The following CDH18 variants were observed in gnomAD, a reference collection of about 807,000 sequenced individuals.
The protein encoded by CDH18 is cadherin-18.
A neutral mutation model predicts 67.9 loss-of-function variants in CDH18; 31 were observed. The ratio of observed to expected loss-of-function variants is 0.46; its 90% CI spans 0.34 to 0.62. The LOEUF (loss-of-function observed/expected upper bound fraction) is 0.62. Among genes scored for constraint, CDH18 ranks in the 20% least tolerant of loss-of-function variants. The pLI is 0.01. For missense variants in CDH18, 890 were observed against 975.5 expected (o/e 0.91, Z 1.17); for synonymous variants, 362 against 347.2 (o/e 1.04, Z -0.48).
intron 1 of CDH18, among the ~76,000 whole-genome samples, chr5:20,414,774 G>A (rs763330693): frequency 2.7e-4 from 41 of 152,114 alleles, no homozygotes; most frequent in Middle Eastern, 3.4e-3. Context: ...ATGAGATATC[G>A]TTTCATACCT....
At chr5:19,593,734 T>C (rs375544010) in intron 6 of CDH18, among the ~76,000 whole-genome samples, 10,044 of 139,218 alleles carry the variant, frequency 0.072, 869 homozygotes, top group East Asian at 0.25. Context: ...TTCTTCTTCT[T>C]CTTCTTCTTC....
At chr5:20,499,806 G>A (rs1015258009) in intron 1 of CDH18, among the ~76,000 whole-genome samples, 7 of 152,096 alleles carry the variant, frequency 4.6e-5, no homozygotes, top group African/African-American at 1.7e-4. Flanking sequence ...TTCACGTGTG[G>A]ATGATAAATC....
intron 2 of CDH18, among the ~76,000 whole-genome samples, chr5:20,245,857 G>A (rs1743334171): frequency 6.6e-6 from 1 of 152,074 alleles, no homozygotes; most frequent in Non-Finnish European, 1.5e-5. Context: ...ATTTTCAGAA[G>A]GGAGTAATAT....
intron 5 of CDH18, among the ~76,000 whole-genome samples, chr5:19,704,220 C>T (rs776611915): frequency 1.3e-5 from 2 of 152,236 alleles, no homozygotes; most frequent in East Asian, 3.9e-4. Flanking sequence ...TTGGTAGATA[C>T]AGGAGCAGAC....
intron 2 of CDH18, among the ~76,000 whole-genome samples, chr5:19,866,165 T>C (rs1328135418): frequency 6.6e-6 from 1 of 152,204 alleles, no homozygotes; most frequent in Non-Finnish European, 1.5e-5. Context: ...CATGAAGCAT[T>C]TTCTCGCTAC....
intron 11 of CDH18, among the ~76,000 whole-genome samples, chr5:19,490,394 GTTTTTTTTTTTTTTTTT>G (rs70950073): frequency 5.0e-5 from 3 of 60,210 alleles, no homozygotes; most frequent in Non-Finnish European, 9.0e-5. Context: ...ATAAAAATCT[GTTTTTTTTTTTTTTTTT>G]TTTTTTTTTT....
intron 1 of CDH18, among the ~76,000 whole-genome samples, chr5:20,293,713 C>G (rs1022511291): frequency 2.0e-5 from 3 of 152,130 alleles, no homozygotes; most frequent in Non-Finnish European, 4.4e-5. Context: ...AATGGTAAAA[C>G]AGTATTACTT....
intron 2 of CDH18, among the ~76,000 whole-genome samples, chr5:19,906,868 G>C (rs1256808689): frequency 2.0e-5 from 3 of 151,992 alleles, no homozygotes; most frequent in African/African-American, 7.2e-5. Context: ...CCAAGTTTGT[G>C]TCTGTCTCTT....
chr5:20,216,706 G>A (rs1740801431), intron 2 of CDH18, among the ~76,000 whole-genome samples: 1 of 151,772 alleles, frequency 6.6e-6, no homozygotes, highest in Non-Finnish European at 1.5e-5. Context: ...ATTCCTTCTT[G>A]TCCTGCTGTC....
chr5:19,559,482 A>G (rs1393595431), intron 8 of CDH18, among the ~76,000 whole-genome samples: 1 of 152,074 alleles, frequency 6.6e-6, no homozygotes, highest in Non-Finnish European at 1.5e-5. Context: ...GCATCCTTTT[A>G]TGGTTAAAAC....
chr5:20,414,545 A>G (rs1449188710), intron 1 of CDH18, among the ~76,000 whole-genome samples: 1 of 152,208 alleles, frequency 6.6e-6, no homozygotes, highest in Non-Finnish European at 1.5e-5. Flanking sequence ...TGGATTCAAT[A>G]GTAGCCCAAA....
chr5:20,321,904 A>G (rs1445676153), intron 1 of CDH18, among the ~76,000 whole-genome samples: 1 of 152,182 alleles, frequency 6.6e-6, no homozygotes, highest in Non-Finnish European at 1.5e-5. Context: ...TGAGCAGAGC[A>G]AATCCTTCAG....
At chr5:20,268,955 A>AAAT (rs1354064592) in intron 1 of CDH18, among the ~76,000 whole-genome samples, 2 of 152,190 alleles carry the variant, frequency 1.3e-5, no homozygotes, top group African/African-American at 4.8e-5. Context: ...GAATGGGAGA[A>AAAT]AATATTTGCA....
chr5:19,811,386 C>A (rs1170062474), intron 3 of CDH18, among the ~76,000 whole-genome samples: 1 of 151,930 alleles, frequency 6.6e-6, no homozygotes, highest in Non-Finnish European at 1.5e-5. Flanking sequence ...AAATGGAGGG[C>A]TTTGGACACT....
intron 2 of CDH18, among the ~76,000 whole-genome samples, chr5:20,152,939 A>ATTT (rs34475393): frequency 1.7e-4 from 22 of 125,890 alleles, no homozygotes; most frequent in South Asian, 2.6e-4. Flanking sequence ...AGGATGAGGA[A>ATTT]TTTTTTTTTT....
chr5:20,020,449 G>A (rs1738309669), intron 2 of CDH18, among the ~76,000 whole-genome samples: 1 of 152,028 alleles, frequency 6.6e-6, no homozygotes, highest in African/African-American at 2.4e-5. Flanking sequence ...AAGGCCTGGA[G>A]GCCTAGGAGG....
chr5:20,062,158 T>TATTATTATTA (rs1554085602), intron 2 of CDH18, among the ~76,000 whole-genome samples: 5 of 147,456 alleles, frequency 3.4e-5, no homozygotes, highest in Admixed American at 6.8e-5. Context: ...TTATTATTAT[T>TATTATTATTA]ATTATTATTA....
chr5:20,388,964 A>G (rs1057492352), intron 1 of CDH18, among the ~76,000 whole-genome samples: 3 of 152,130 alleles, frequency 2.0e-5, no homozygotes, highest in Non-Finnish European at 2.9e-5. Flanking sequence ...GGAGTGCTTT[A>G]CTTCCAACTA....
intron 3 of CDH18, among the ~76,000 whole-genome samples, chr5:19,811,154 GAAAGAA>G: frequency 4.7e-5 from 1 of 21,358 alleles, no homozygotes; most frequent in East Asian, 5.8e-4. Context: ...AAGAAAGAAA[GAAAGAA>G]GGAGAGAAAG....
Sources: allele counts gnomAD v4.1 joint callset (sites outside exome capture counted in the v4.1 genomes callset), GRCh38; gene constraint gnomAD v4.1.1; transcripts MANE v1.5; gene names NCBI Gene and HGNC (gene_info 2026-07-23, HGNC 2026-07-21).